ADGRD1: variants seen among roughly 807,000 people sequenced by gnomAD.
ADGRD1 encodes adhesion G protein-coupled receptor D1.
In ADGRD1, 77 loss-of-function variants were observed where a neutral mutation model predicts 113.4. That is an observed-to-expected ratio of 0.68 (90% CI 0.57 to 0.82). The LOEUF is 0.82. Ranked by LOEUF, ADGRD1 falls within the 40% of genes least tolerant of loss-of-function variation. The pLI is 0.00. For missense variants in ADGRD1, 1,036 were observed against 1,139.1 expected (o/e 0.91, Z 1.30); for synonymous variants, 474 against 475.0 (o/e 1.00, Z 0.03).
At chr12:131,040,853 C>A (rs1229382537) in intron 13 of ADGRD1, among the ~76,000 whole-genome samples, 2 of 152,250 alleles carry the variant, frequency 1.3e-5, no homozygotes, top group Non-Finnish European at 2.9e-5. Context: ...GCAGGTGACC[C>A]AAACACTGTT....
chr12:131,016,695 C>A (rs1048595814), intron 13 of ADGRD1, among the ~76,000 whole-genome samples: 2 of 152,186 alleles, frequency 1.3e-5, no homozygotes, highest in Non-Finnish European at 2.9e-5. Context: ...GAGTTTGAGA[C>A]CAGCGTGACC....
Position 131,093,996 on chromosome 12 carries a change from GC to G in ADGRD1, c.1671+9336del, listed in dbSNP as rs375442085. ...CCTGAGCACCCAGCCTCAGCACCCAGCCCTGAGCACCCAGCCTCAGCACCCA... is the reference window on the plus strand; with the variant it reads ...CCTGAGCACCCAGCCTCAGCACCCAGCCTGAGCACCCAGCCTCAGCACCCA... On this transcript the variant is annotated intron_variant, in intron 15 of 24. Coordinates refer to ENST00000261654, the MANE Select transcript of ADGRD1 (RefSeq NM_198827.5). Among the ~76,000 whole-genome samples the G allele has an allele frequency of 1.3e-3, 100 of 77,744 alleles. No individual in the cohort carries two copies. The East Asian group carries it at 0.017, about 13-fold the overall frequency. 51.0% of individuals were successfully genotyped at this position (77,744 alleles called of 152,430 possible).
rs1279114660 is a variant in ADGRD1 at position 130,971,404 on chromosome 12, A to G, written c.188-54A>G. The G allele has an allele frequency of 9.2e-6, 14 of 1,529,396 alleles. No individual in the cohort carries two copies. In the Admixed American group the frequency reaches 2.5e-4, roughly 27 times the overall value. 94.7% of individuals were successfully genotyped at this position (1,529,396 alleles called of 1,614,324 possible). On this transcript the variant is annotated intron_variant, in intron 3 of 24. Transcript: ENST00000261654. This position sits in a 1 kb window ranked among gnomAD's most constrained non-coding sequence, Gnocchi z 4.2. ...TTGTAGGTCTGACACACATCTTCAG[A>G]CTTTTAATCTCGGAAGGTTATTAAC...
At chr12:131,013,165 C>T (rs542450843) in intron 12 of ADGRD1, among the ~76,000 whole-genome samples, 10 of 152,258 alleles carry the variant, frequency 6.6e-5, no homozygotes, top group South Asian at 2.1e-4. Flanking sequence ...CATAACCCCA[C>T]GAGACAGCCA....
At chr12:131,019,853 C>T (rs1287156297) in intron 13 of ADGRD1, among the ~76,000 whole-genome samples, 2 of 74,984 alleles carry the variant, frequency 2.7e-5, no homozygotes, top group Non-Finnish European at 6.6e-5. Context: ...CCCCGAGCTC[C>T]GTCCAGGGCA....
intron 4 of ADGRD1, among the ~76,000 whole-genome samples, chr12:130,981,527 G>T (rs746165959): frequency 1.3e-4 from 19 of 151,832 alleles, no homozygotes; most frequent in African/African-American, 4.1e-4. Context: ...GCATGATCCC[G>T]GGGAGTGGGG....
chr12:131,050,207 C>T lies in ADGRD1; in HGVS notation c.1474-26594C>T, dbSNP rs1001083632. On this transcript the variant is annotated intron_variant, in intron 13 of 24. Coordinates refer to ENST00000261654, the MANE Select transcript of ADGRD1 (RefSeq NM_198827.5). This position sits in a 1 kb window ranked among gnomAD's most constrained non-coding sequence, Gnocchi z 4.8. ...ATTTTCCTGTCTCAAGTTGAAATCA[C>T]CATCGTCATCGTCATCATCATCATC... Among the ~76,000 whole-genome samples the T allele has an allele frequency of 8.5e-6, 1 of 117,032 alleles. No homozygotes were observed. Among genetic ancestry groups the T allele is most frequent in the African/African-American group, 2.5e-5 (1 of 39,628 alleles). The allele number at this position is 117,032 out of a possible 152,430, so 76.8% of individuals were successfully genotyped here.
intron 23 of ADGRD1, 102 bp downstream of exon 23, chr12:131,137,116 G>C (rs1204426511): frequency 2.1e-6 from 2 of 973,708 alleles, no homozygotes; most frequent in East Asian, 4.8e-5. Flanking sequence ...GGTGGTGTCT[G>C]GGACTCAAAT....
Position 131,115,241 on chromosome 12 carries a change from G to A in ADGRD1, c.2042-3144G>A, listed in dbSNP as rs61248585. Among the ~76,000 whole-genome samples the A allele has an allele frequency of 4.0e-3, 606 of 152,330 alleles. 5 individuals are homozygous for A. Among genetic ancestry groups the A allele is most frequent in the African/African-American group, 0.013 (558 of 41,572 alleles). On this transcript the variant is annotated intron_variant, in intron 18 of 24. Coordinates refer to ENST00000261654, the MANE Select transcript of ADGRD1 (RefSeq NM_198827.5). ...ACAGTGAAGAGCCCAGGCTGACGGA[G>A]AAGGCACCGCCTCGAGCTATGTGAG...
rs1207853599 is a variant in ADGRD1 at position 131,137,007 on chromosome 12, A to G, written c.2429A>G (p.Asn810Ser). ...LFIFLFHCLL[N>S]SEVRAAFKHK... is the part of the protein sequence containing the mutation. ...ATATTCCTCTTTCATTGTCTCCTGA[A>G]TTCAGAGGTACGTCCGCTCTGCTTG... The change falls in exon 23 of 25, where the codon AAT becomes AGT. Residue 810 changes from asparagine (N) to serine (S), a missense_variant. By Grantham distance (46) the Asn-to-Ser change is conservative (BLOSUM62 1). Transcript: ENST00000261654. 1 of 1,612,280 alleles carries G rather than the reference A, an allele frequency of 6.2e-7. No homozygotes were observed. Among genetic ancestry groups the G allele is most frequent in the South Asian group, 1.1e-5 (1 of 91,036 alleles).
In ADGRD1 at chr12:130,966,025, A is replaced by G. The variant is rs892979094; in HGVS notation, c.104-438A>G. Among the ~76,000 whole-genome samples the G allele has an allele frequency of 6.6e-6, 1 of 152,212 alleles. No homozygotes were observed. The highest frequency in any genetic ancestry group is 1.5e-5 in the Non-Finnish European group (1 of 68,036). On this transcript the variant is annotated intron_variant, in intron 2 of 24. Coordinates refer to ENST00000261654, the MANE Select transcript of ADGRD1 (RefSeq NM_198827.5). This position sits in a 1 kb window ranked among gnomAD's most constrained non-coding sequence, Gnocchi z 4.6. ...TAAGGACCTCAGTGTCTGGCATACC[A>G]TTCATGTTAGTTTTCTCCTCTTTTA...
chr12:131,016,168 C>A (rs1355532321), intron 13 of ADGRD1, among the ~76,000 whole-genome samples: 1 of 152,242 alleles, frequency 6.6e-6, no homozygotes, highest in Non-Finnish European at 1.5e-5. Flanking sequence ...TCCCTCCACG[C>A]GGTCTTTGCG....
chr12:131,039,231 TCC>T (rs1881866427), intron 13 of ADGRD1, among the ~76,000 whole-genome samples: 1 of 151,584 alleles, frequency 6.6e-6, no homozygotes, highest in Non-Finnish European at 1.5e-5. Context: ...CCTGTGCTCC[TCC>T]AGCCACTGCC....
chr12:130,982,693 G>C (rs1366520680), intron 5 of ADGRD1, among the ~76,000 whole-genome samples: 2 of 152,218 alleles, frequency 1.3e-5, no homozygotes, highest in African/African-American at 4.8e-5. Context: ...TTGGAGGAGG[G>C]AGGGGCCCTG....
chr12:130,963,339 AAAAGAAAG>A (rs1203292375), intron 2 of ADGRD1, among the ~76,000 whole-genome samples: 17 of 136,492 alleles, frequency 1.2e-4, no homozygotes, highest in Non-Finnish European at 1.6e-4. Flanking sequence ...AAAAAAAAAA[AAAAGAAAG>A]AAAAATTCAA....
In ADGRD1 at chr12:131,116,940, A is replaced by G. The variant is rs535979306; in HGVS notation, c.2042-1445A>G. Among the ~76,000 whole-genome samples, 6 of 152,364 alleles carry G rather than the reference A, an allele frequency of 3.9e-5. No homozygotes were observed. In the South Asian group the frequency reaches 1.0e-3, roughly 26 times the overall value. On this transcript the variant is annotated intron_variant, in intron 18 of 24. Coordinates refer to ENST00000261654, the MANE Select transcript of ADGRD1 (RefSeq NM_198827.5). The stretch of plus-strand genomic sequence containing the variant: ...TTCCCATTCGTGCAGGATCTGTTTC[A>G]AAGCTCACACGTGCGTGTGGAAGCA...
chr12:131,009,280 C>T (rs1051833515), intron 12 of ADGRD1, among the ~76,000 whole-genome samples: 1 of 152,254 alleles, frequency 6.6e-6, no homozygotes, highest in Non-Finnish European at 1.5e-5. Context: ...GTCAGACACA[C>T]CTGAACTAAG....
chr12:130,994,162 C>G (rs887104737), intron 8 of ADGRD1: 53 of 379,666 alleles, frequency 1.4e-4, no homozygotes, highest in Non-Finnish European at 2.2e-4. Flanking sequence ...AAGGGAAGGA[C>G]CCGCGGGGTG....
chr12:131,105,964 A>G (rs771596474), intron 17 of ADGRD1, 99 bp downstream of exon 17: 67 of 809,764 alleles, frequency 8.3e-5, no homozygotes, highest in Admixed American at 2.0e-4. Flanking sequence ...CTCAAATTTC[A>G]GAACCCATCT....
Sources: allele counts gnomAD v4.1 joint callset (sites outside exome capture counted in the v4.1 genomes callset), GRCh38; gene constraint gnomAD v4.1.1; non-coding constraint Gnocchi (gnomAD v3.1); transcripts MANE v1.5; gene names NCBI Gene and HGNC (gene_info 2026-07-23, HGNC 2026-07-21).